The following CSMD1 variants were observed in gnomAD, a reference collection of about 807,000 sequenced individuals.
The protein encoded by CSMD1 is CUB and Sushi multiple domains 1, also known as CUB and sushi domain-containing protein 1.
CSMD1 carries 213 observed loss-of-function variants against 417.5 expected under a neutral mutation model. The ratio of observed to expected loss-of-function variants is 0.51; its 90% CI spans 0.46 to 0.57. The LOEUF (loss-of-function observed/expected upper bound fraction) is 0.57, where lower values mean the gene tolerates loss of function less well. CSMD1 is among the 20% of genes least tolerant of loss of function. The probability of loss-of-function intolerance (pLI) is 0.00; values close to 1 mark genes in which losing one functional copy is unlikely to be tolerated. For missense variants in CSMD1, 6,923 were observed against 4,529.7 expected, an observed-to-expected ratio of 1.53 and a Z score of -15.17; for synonymous variants, 2,862 against 1,736.8, an observed-to-expected ratio of 1.65 and a Z score of -16.11.
chr8:3,211,929 G>A (rs1797634216), intron 30 of CSMD1, among the ~76,000 whole-genome samples: 1 of 152,186 alleles, frequency 6.6e-6, no homozygotes, highest in Non-Finnish European at 1.5e-5. Context: ...AGGGGGTGGA[G>A]GTGTGGCCCA....
intron 4 of CSMD1, among the ~76,000 whole-genome samples, chr8:3,998,762 G>T (rs1056960771): frequency 1.3e-5 from 2 of 151,726 alleles, no homozygotes; most frequent in African/African-American, 2.4e-5. Context: ...AAAATTATTG[G>T]TTAGAAAGGA....
At chr8:3,230,387 G>T (rs567316268) in intron 26 of CSMD1, among the ~76,000 whole-genome samples, 156 bp from the exon 27 acceptor site, 172 of 152,206 alleles carry the variant, frequency 1.1e-3, no homozygotes, top group Non-Finnish European at 2.1e-3. Flanking sequence ...TTTCCCAGGG[G>T]TACATTCAAT....
At chr8:3,984,697 T>G (rs865987593) in intron 5 of CSMD1, among the ~76,000 whole-genome samples, 2 of 110,834 alleles carry the variant, frequency 1.8e-5, no homozygotes, top group African/African-American at 6.7e-5. Context: ...GGATTCAGTG[T>G]ATATATCATA....
intron 3 of CSMD1, among the ~76,000 whole-genome samples, chr8:4,310,104 C>G (rs556002818): frequency 3.8e-4 from 58 of 152,286 alleles, no homozygotes; most frequent in African/African-American, 1.3e-3. Flanking sequence ...CTCAGAGATT[C>G]ACTTATCTCC....
intron 5 of CSMD1, among the ~76,000 whole-genome samples, chr8:3,940,188 C>T (rs996171471): frequency 6.6e-6 from 1 of 151,860 alleles, no homozygotes; most frequent in Non-Finnish European, 1.5e-5. Context: ...AGATCTCATG[C>T]TTATTATTTT....
chr8:4,183,526 G>A (rs917279951), intron 3 of CSMD1, among the ~76,000 whole-genome samples: 2 of 151,866 alleles, frequency 1.3e-5, no homozygotes, highest in Admixed American at 1.3e-4. Context: ...GACATTACTG[G>A]TTTATTTGTA....
At chr8:2,981,280 A>AT (rs1398969632) in intron 54 of CSMD1, among the ~76,000 whole-genome samples, 1 of 152,182 alleles carries the variant, frequency 6.6e-6, no homozygotes, top group Non-Finnish European at 1.5e-5. Flanking sequence ...TTGTTTTGTC[A>AT]TTTTCTATGT....
At chr8:3,730,268 G>T (rs573780177) in intron 6 of CSMD1, among the ~76,000 whole-genome samples, 2 of 151,952 alleles carry the variant, frequency 1.3e-5, no homozygotes, top group South Asian at 4.2e-4. Context: ...TGAGCACATG[G>T]AGCCCCTTGG....
intron 6 of CSMD1, among the ~76,000 whole-genome samples, chr8:3,745,946 G>A (rs79940970): frequency 0.06 from 9,184 of 152,280 alleles, 336 homozygotes; most frequent in Middle Eastern, 0.099. Flanking sequence ...GGAAAGGCCA[G>A]ACTTCATGAC....
chr8:3,380,388 G>A (rs188292668), intron 18 of CSMD1, among the ~76,000 whole-genome samples: 2 of 152,026 alleles, frequency 1.3e-5, no homozygotes, highest in East Asian at 3.9e-4. Context: ...CCCATTACTG[G>A]GTATGTACCC....
At chr8:4,448,882 A>C (rs1798969361) in intron 2 of CSMD1, among the ~76,000 whole-genome samples, 1 of 152,238 alleles carries the variant, frequency 6.6e-6, no homozygotes, top group African/African-American at 2.4e-5. Flanking sequence ...TTATTCACCA[A>C]GTAAACACAC....
At chr8:3,909,420 G>C (rs1055731072) in intron 5 of CSMD1, among the ~76,000 whole-genome samples, 6 of 152,138 alleles carry the variant, frequency 3.9e-5, no homozygotes, top group Admixed American at 1.3e-4. Flanking sequence ...AGGGTGCCGA[G>C]GGCAGGATAC....
chr8:3,253,934 T>C (rs887278045), intron 26 of CSMD1, among the ~76,000 whole-genome samples: 3 of 152,332 alleles, frequency 2.0e-5, no homozygotes, highest in Non-Finnish European at 2.9e-5. Flanking sequence ...TAGCTGGTTA[T>C]TTTGCTCATT....
intron 49 of CSMD1, among the ~76,000 whole-genome samples, chr8:3,077,773 T>C (rs995104021): frequency 6.6e-6 from 1 of 152,226 alleles, no homozygotes; most frequent in Non-Finnish European, 1.5e-5. Flanking sequence ...ACTGTCACTT[T>C]CACAGGTAGA....
In CSMD1 at chr8:4,410,132, G is replaced by A. The variant is rs573706715; in HGVS notation, c.415+9821C>T. On this transcript the variant is annotated intron_variant, in intron 3 of 69. Coordinates refer to ENST00000635120, the MANE Select transcript of CSMD1 (RefSeq NM_033225.6). ...CCCGGTCCCATACTTTATAATCTTT[G>A]AAGCCATCTTCTAGGCTAATCTAGG... Among the ~76,000 whole-genome samples the A allele has an allele frequency of 7.9e-5, 12 of 152,174 alleles. No homozygotes were observed. In the South Asian group the frequency reaches 2.5e-3, roughly 32 times the overall value.
chr8:4,052,669 C>G (rs1342439956), intron 3 of CSMD1, among the ~76,000 whole-genome samples: 1 of 152,098 alleles, frequency 6.6e-6, no homozygotes, highest in Non-Finnish European at 1.5e-5. Context: ...TAGAAGGAAT[C>G]ATCCCATAAT....
intron 3 of CSMD1, among the ~76,000 whole-genome samples, chr8:4,115,779 GAA>G (rs994579870): frequency 3.0e-4 from 46 of 151,828 alleles, no homozygotes; most frequent in East Asian, 2.5e-3. Flanking sequence ...ATCAAGCCAT[GAA>G]AAGTCATGGT....
intron 3 of CSMD1, among the ~76,000 whole-genome samples, chr8:4,294,932 C>T (rs1275904128): frequency 6.6e-6 from 1 of 151,426 alleles, no homozygotes; most frequent in Non-Finnish European, 1.5e-5. Context: ...TGGTCCTATT[C>T]TCTCTTCTTT....
chr8:3,963,993 A>C (rs756744094), intron 5 of CSMD1, among the ~76,000 whole-genome samples: 5 of 152,090 alleles, frequency 3.3e-5, no homozygotes, highest in Non-Finnish European at 7.3e-5. Flanking sequence ...GAATGAGTTG[A>C]AGCATCCCCA....
Sources: gnomAD v4.1 joint callset for allele counts (sites outside exome capture counted in the v4.1 genomes callset) on GRCh38, gnomAD v4.1.1 for gene constraint, MANE v1.5 for transcripts, NCBI Gene and HGNC (gene_info 2026-07-23, HGNC 2026-07-21) for gene names.